The following GALNT13 variants were observed in gnomAD, a reference collection of about 807,000 sequenced individuals.
GALNT13 encodes the protein polypeptide N-acetylgalactosaminyltransferase 13.
A neutral mutation model predicts 64.2 loss-of-function variants in GALNT13; 28 were observed. The observed-to-expected ratio is 0.44, with a 90% CI of 0.32 to 0.60. The LOEUF is 0.60. Ranked by LOEUF, GALNT13 falls within the 20% of genes least tolerant of loss-of-function variation. The pLI is 0.05. For synonymous variants in GALNT13, 214 were observed against 224.6 expected (o/e 0.95, Z 0.42); for missense variants, 577 against 669.8 (o/e 0.86, Z 1.53).
chr2:154,166,675 C>T (rs974449429), intron 4 of GALNT13, among the ~76,000 whole-genome samples: 11 of 152,162 alleles, frequency 7.2e-5, no homozygotes, highest in Non-Finnish European at 1.5e-4. Context: ...AACACATGCA[C>T]ACATATGTTT....
the GALNT13 span, among the ~76,000 whole-genome samples, chr2:153,460,047 C>T: frequency 6.6e-6 from 1 of 151,924 alleles, no homozygotes; most frequent in African/African-American, 2.4e-5. Context: ...AAAATAAATG[C>T]ATTTAGGTAA....
intron 4 of GALNT13, among the ~76,000 whole-genome samples, chr2:154,191,350 T>C (rs895725372): frequency 6.6e-6 from 1 of 152,154 alleles, no homozygotes; most frequent in African/African-American, 2.4e-5. Flanking sequence ...TAGATGTATT[T>C]AGACTTTAGA....
the GALNT13 span, among the ~76,000 whole-genome samples, chr2:153,845,875 T>A: frequency 6.1e-4 from 93 of 152,078 alleles, no homozygotes; most frequent in East Asian, 5.4e-3. Context: ...TGTATTATTT[T>A]CAAAAAAAGA....
the GALNT13 span, among the ~76,000 whole-genome samples, chr2:153,712,499 C>G: frequency 6.6e-6 from 1 of 151,866 alleles, no homozygotes. Context: ...ATTTTTAGTT[C>G]ATTTAAAAAA....
At chr2:153,630,825 ATTATAC>A in the GALNT13 span, among the ~76,000 whole-genome samples, 1 of 35,550 alleles carries the variant, frequency 2.8e-5, no homozygotes, top group Non-Finnish European at 5.3e-5. Context: ...TTTTTTTTTT[ATTATAC>A]TTTAAGTTCT....
intron 4 of GALNT13, among the ~76,000 whole-genome samples, chr2:154,231,744 A>AG (rs1470660435): frequency 6.9e-6 from 1 of 144,598 alleles, no homozygotes; most frequent in Non-Finnish European, 1.5e-5. Context: ...TTGGTGCAAA[A>AG]GTAATCGCAG....
At chr2:153,481,689 T>C in the GALNT13 span, among the ~76,000 whole-genome samples, 1 of 152,300 alleles carries the variant, frequency 6.6e-6, no homozygotes, top group Admixed American at 6.5e-5. Context: ...CTGCCTACTC[T>C]TTCTGGAAAA....
chr2:153,144,407 C>CT, the GALNT13 span, among the ~76,000 whole-genome samples: 1 of 152,018 alleles, frequency 6.6e-6, no homozygotes, highest in East Asian at 1.9e-4. Flanking sequence ...TCTGCAAACA[C>CT]TTTACTCCTA....
At chr2:154,364,523 T>C (rs1008277752) in intron 9 of GALNT13, among the ~76,000 whole-genome samples, 5 of 152,232 alleles carry the variant, frequency 3.3e-5, no homozygotes, top group Non-Finnish European at 7.3e-5. Context: ...TTTCTAAGGA[T>C]ATCAGTGAAA....
chr2:154,312,576 C>T (rs1694107059), intron 9 of GALNT13, among the ~76,000 whole-genome samples: 1 of 152,032 alleles, frequency 6.6e-6, no homozygotes, highest in African/African-American at 2.4e-5. Context: ...GTAATTTGAT[C>T]GATATACAAA....
the GALNT13 span, among the ~76,000 whole-genome samples, chr2:153,433,317 T>C: frequency 1.3e-5 from 2 of 152,206 alleles, no homozygotes; most frequent in African/African-American, 4.8e-5. Flanking sequence ...GAAGTGGCAA[T>C]GGGATGATTT....
At chr2:153,737,466 G>A in the GALNT13 span, among the ~76,000 whole-genome samples, 1 of 151,408 alleles carries the variant, frequency 6.6e-6, no homozygotes, top group Non-Finnish European at 1.5e-5. Flanking sequence ...TTAAAATAAA[G>A]CACATTTTTT....
chr2:154,081,999 C>T (rs943844610), intron 3 of GALNT13, among the ~76,000 whole-genome samples: 5 of 151,716 alleles, frequency 3.3e-5, no homozygotes, highest in African/African-American at 9.7e-5. Context: ...TTCCTAGCTT[C>T]TGTTTAAAAT....
intron 11 of GALNT13, among the ~76,000 whole-genome samples, chr2:154,431,431 A>G (rs1700705174): frequency 6.6e-6 from 1 of 152,198 alleles, no homozygotes; most frequent in Non-Finnish European, 1.5e-5. Context: ...TTTAAACATA[A>G]TACAACTGGG....
the GALNT13 span, among the ~76,000 whole-genome samples, chr2:153,202,307 A>G: frequency 1.3e-5 from 2 of 152,104 alleles, no homozygotes; most frequent in South Asian, 2.1e-4. Context: ...TACATATGCT[A>G]CTTTCCCTGC....
At chr2:153,434,015 T>G in the GALNT13 span, among the ~76,000 whole-genome samples, 1 of 152,280 alleles carries the variant, frequency 6.6e-6, no homozygotes, top group Middle Eastern at 3.4e-3. Context: ...GTGTGTGATG[T>G]TCCCCTTGTT....
chr2:153,872,671 C>T (rs1300969589), intron 1 of GALNT13, among the ~76,000 whole-genome samples: 1 of 146,224 alleles, frequency 6.8e-6, no homozygotes, highest in African/African-American at 2.6e-5. Flanking sequence ...GGTGACGTTC[C>T]TCCGCGGGGG....
the GALNT13 span, among the ~76,000 whole-genome samples, chr2:153,842,567 A>G: frequency 6.6e-6 from 1 of 152,184 alleles, no homozygotes; most frequent in Non-Finnish European, 1.5e-5. Flanking sequence ...TTCTACACAC[A>G]CTGCCTGCTA....
At chr2:153,579,761 A>G in the GALNT13 span, among the ~76,000 whole-genome samples, 1 of 152,040 alleles carries the variant, frequency 6.6e-6, no homozygotes, top group South Asian at 2.1e-4. Flanking sequence ...GTGGCATTAC[A>G]TTCTCATTGG....
Sources: gnomAD v4.1 joint callset for allele counts (sites outside exome capture counted in the v4.1 genomes callset) on GRCh38, gnomAD v4.1.1 for gene constraint, MANE v1.5 for transcripts, NCBI Gene and HGNC (gene_info 2026-07-23, HGNC 2026-07-21) for gene names.